The following PDE4B variants were observed in gnomAD, a reference collection of about 807,000 sequenced individuals.
PDE4B encodes phosphodiesterase 4B.
In PDE4B, 20 loss-of-function variants were observed where a neutral mutation model predicts 82.2. That is an observed-to-expected ratio of 0.24 (90% CI 0.17 to 0.35). The LOEUF (loss-of-function observed/expected upper bound fraction) is 0.35. PDE4B is among the 10% of genes least tolerant of loss of function. PDE4B has a pLI of 1.00. For missense variants in PDE4B, 655 were observed against 907.2 expected (o/e 0.72, Z 3.57); for synonymous variants, 320 against 318.9 (o/e 1.00, Z -0.04).
chr1:66,012,145 A>G (rs1341812999), intron 3 of PDE4B, among the ~76,000 whole-genome samples: 1 of 152,012 alleles, frequency 6.6e-6, no homozygotes, highest in Non-Finnish European at 1.5e-5. Flanking sequence ...CCAGTTGGGA[A>G]CTCCTAGGGG....
chr1:66,028,442 G>T (rs940843625), intron 3 of PDE4B, among the ~76,000 whole-genome samples: 24 of 152,166 alleles, frequency 1.6e-4, no homozygotes, highest in Non-Finnish European at 1.9e-4. Context: ...CTCTGATGTG[G>T]CCTGGAGACA....
chr1:66,113,290 C>G (rs1009822595), intron 3 of PDE4B, among the ~76,000 whole-genome samples: 1 of 152,176 alleles, frequency 6.6e-6, no homozygotes, highest in Non-Finnish European at 1.5e-5. Context: ...CAAAATTTTA[C>G]TTTAACTAGC....
intron 7 of PDE4B, among the ~76,000 whole-genome samples, chr1:66,289,929 G>C (rs1232738951): frequency 6.6e-5 from 10 of 151,966 alleles, no homozygotes; most frequent in African/African-American, 2.4e-4. Context: ...GATGGGGAGG[G>C]ACTGAAAGTA....
intron 1 of PDE4B, among the ~76,000 whole-genome samples, chr1:65,877,296 A>G (rs955385014): frequency 2.0e-5 from 3 of 152,136 alleles, no homozygotes; most frequent in African/African-American, 4.8e-5. Context: ...CAAACAAGCA[A>G]TGAGGAAATG....
chr1:66,159,357 G>A (rs1646564075), intron 3 of PDE4B, among the ~76,000 whole-genome samples: 1 of 150,972 alleles, frequency 6.6e-6, no homozygotes, highest in South Asian at 2.1e-4. Flanking sequence ...TCATGCCTCA[G>A]CCTCCCAGGT....
chr1:66,211,445 T>C (rs140241303), intron 3 of PDE4B, among the ~76,000 whole-genome samples: 3 of 152,334 alleles, frequency 2.0e-5, no homozygotes, highest in South Asian at 2.1e-4. Context: ...AGACTCCCAG[T>C]TGATAGGACC....
intron 3 of PDE4B, among the ~76,000 whole-genome samples, chr1:66,110,634 A>G (rs1645466277): frequency 6.6e-6 from 1 of 152,092 alleles, no homozygotes; most frequent in Admixed American, 6.6e-5. Flanking sequence ...TTCCACAATA[A>G]CAGCTGGGTA....
rs1653426150 is a variant in PDE4B at position 66,247,635 on chromosome 1, T to C, written c.457T>C (p.Ser153Pro). The change falls in exon 4 of 17, where the codon TCT becomes CCT. Residue 153 changes from serine to proline, a missense_variant. Transcript: ENST00000341517. ...DLSPKAMSRN[S>P]SLPSEQHGDD... ...GTCACCAAAGGCGATGTCGAGAAAC[T>C]CTTCTCTTCCAAGCGAGCAGTAAGT... 1.3e-6 allele frequency: 2 copies of C among 1,592,682 alleles called. No individual in the cohort carries two copies. The highest frequency in any genetic ancestry group is 1.1e-5 in the South Asian group (1 of 88,234).
Position 66,095,471 on chromosome 1 carries a change from G to A in PDE4B, c.282-151989G>A, listed in dbSNP as rs370601761. 3.3e-5 allele frequency among the ~76,000 whole-genome samples: 5 copies of A among 151,972 alleles called. No individual in the cohort carries two copies. The East Asian group carries it at 7.8e-4, about 24-fold the overall frequency. On this transcript the variant is annotated intron_variant, in intron 3 of 16. Transcript: ENST00000341517. ...ACATAGCTAATAGTGGAATACCTGG[G>A]ATACAAATCAGGTTCCCTGATTATT...
At chr1:66,269,437 G>C (rs1395459084) in intron 7 of PDE4B, among the ~76,000 whole-genome samples, 1 of 152,128 alleles carries the variant, frequency 6.6e-6, no homozygotes, top group East Asian at 1.9e-4. Flanking sequence ...ATCTGAATTT[G>C]TTTCACATTT....
chr1:65,955,139 C>A (rs756778639), intron 3 of PDE4B, among the ~76,000 whole-genome samples: 5 of 152,058 alleles, frequency 3.3e-5, no homozygotes, highest in African/African-American at 4.8e-5. Context: ...TCAGAGAGGG[C>A]AGAATTGAGT....
At chr1:65,889,685 G>C (rs1349797340) in intron 1 of PDE4B, among the ~76,000 whole-genome samples, 2 of 152,082 alleles carry the variant, frequency 1.3e-5, no homozygotes, top group Admixed American at 1.3e-4. Context: ...GCATAAAGGG[G>C]GATAACTTTT....
chr1:66,193,680 A>C (rs77758060), intron 3 of PDE4B, among the ~76,000 whole-genome samples: 2,846 of 152,298 alleles, frequency 0.019, 43 homozygotes, highest in Non-Finnish European at 0.029. Context: ...ATTTAGAAAC[A>C]TTGGTCAAGG....
At chr1:65,849,250 G>A (rs1371059601) in intron 1 of PDE4B, among the ~76,000 whole-genome samples, 2 of 152,162 alleles carry the variant, frequency 1.3e-5, no homozygotes, top group African/African-American at 4.8e-5. Context: ...ACTCACTGGA[G>A]AGATACTCAA....
At chr1:66,204,322 TG>T (rs1365809777) in intron 3 of PDE4B, among the ~76,000 whole-genome samples, 4 of 152,252 alleles carry the variant, frequency 2.6e-5, no homozygotes, top group African/African-American at 4.8e-5. Context: ...GCAGTCTGCC[TG>T]TTGTCAGATC....
chr1:66,023,707 A>G (rs1653274349), intron 3 of PDE4B, among the ~76,000 whole-genome samples: 3 of 152,154 alleles, frequency 2.0e-5, no homozygotes, highest in Non-Finnish European at 4.4e-5. Flanking sequence ...GGGAGAAAAG[A>G]ACCATGAAAG....
At chr1:66,312,104 A>C (rs973214272) in intron 7 of PDE4B, among the ~76,000 whole-genome samples, 5 of 152,340 alleles carry the variant, frequency 3.3e-5, no homozygotes, top group African/African-American at 1.2e-4. Context: ...ACTCCCTGAA[A>C]GCATTACCTG....
intron 7 of PDE4B, among the ~76,000 whole-genome samples, chr1:66,323,648 C>T (rs190949531): frequency 6.6e-6 from 1 of 152,126 alleles, no homozygotes. Flanking sequence ...GTCCTAAGCA[C>T]TTTACATTTA....
At chr1:65,876,149 A>T (rs1388477780) in intron 1 of PDE4B, among the ~76,000 whole-genome samples, 1 of 152,086 alleles carries the variant, frequency 6.6e-6, no homozygotes, top group Non-Finnish European at 1.5e-5. Flanking sequence ...CTAAATCTTA[A>T]TTTTTAGCCT....
Sources: gnomAD v4.1 joint callset for allele counts (sites outside exome capture counted in the v4.1 genomes callset) on GRCh38, gnomAD v4.1.1 for gene constraint, MANE v1.5 for transcripts, NCBI Gene and HGNC (gene_info 2026-07-23, HGNC 2026-07-21) for gene names.